Variants in NAV2 observed in about 807,000 individuals in gnomAD.
NAV2 encodes neuron navigator 2.
A neutral mutation model predicts 223.2 loss-of-function variants in NAV2; 54 were observed. That is an observed-to-expected ratio of 0.24 (90% CI 0.19 to 0.30). The LOEUF (loss-of-function observed/expected upper bound fraction) is 0.30. Among genes scored for constraint, NAV2 ranks in the 10% least tolerant of loss-of-function variants. The probability of loss-of-function intolerance (pLI) is 1.00; values close to 1 mark genes in which losing one functional copy is unlikely to be tolerated. For missense variants in NAV2, 2,806 were observed against 3,147.5 expected, an observed-to-expected ratio of 0.89 and a Z score of 2.60; for synonymous variants, 1,279 against 1,239.3, an observed-to-expected ratio of 1.03 and a Z score of -0.67.
At chr11:19,495,789 G>A (rs2042775205) in intron 1 of NAV2, among the ~76,000 whole-genome samples, 1 of 152,020 alleles carries the variant, frequency 6.6e-6, no homozygotes, top group Non-Finnish European at 1.5e-5. Flanking sequence ...AATAAAACTT[G>A]TAGAAAAAAA....
intron 11 of NAV2, among the ~76,000 whole-genome samples, chr11:19,996,105 A>G (rs2449498): frequency 0.99 from 151,227 of 152,326 alleles, 75,083 homozygotes; most frequent in East Asian, 1. Context: ...TAAGGAAAAT[A>G]AGGCTCAGAA....
chr11:19,397,922 T>A (rs1296136657), intron 1 of NAV2, among the ~76,000 whole-genome samples: 2 of 152,136 alleles, frequency 1.3e-5, no homozygotes, highest in Non-Finnish European at 2.9e-5. Context: ...GCAGCAGCAG[T>A]GCCTCTGTGT....
At chr11:19,798,071 A>G (rs1431274266) in intron 1 of NAV2, among the ~76,000 whole-genome samples, 3 of 152,160 alleles carry the variant, frequency 2.0e-5, no homozygotes, top group Non-Finnish European at 2.9e-5. Context: ...AGGCCTCAGC[A>G]TAGACAGACA....
intron 8 of NAV2, among the ~76,000 whole-genome samples, chr11:19,940,432 A>G (rs1167998018): frequency 6.6e-6 from 1 of 152,162 alleles, no homozygotes; most frequent in Admixed American, 6.5e-5. Context: ...CTTAATTAGA[A>G]TTCTTACTAC....
chr11:20,022,757 T>A (rs2054619541), intron 11 of NAV2: 4 of 1,113,520 alleles, frequency 3.6e-6, no homozygotes, highest in Non-Finnish European at 4.4e-6. Context: ...CAAACTCCCC[T>A]GGGACCACAT....
At chr11:19,496,406 A>C (rs1446965391) in intron 1 of NAV2, among the ~76,000 whole-genome samples, 1 of 152,200 alleles carries the variant, frequency 6.6e-6, no homozygotes, top group African/African-American at 2.4e-5. Context: ...TGGAGGCTTG[A>C]CTGGGGCTGG....
At chr11:19,660,230 T>A (rs897541058) in intron 1 of NAV2, among the ~76,000 whole-genome samples, 1 of 152,174 alleles carries the variant, frequency 6.6e-6, no homozygotes, top group African/African-American at 2.4e-5. Context: ...GAAACAGGCT[T>A]GCTTTATGCC....
At chr11:19,347,478 G>C (rs1339223641), upstream of NAV2, among the ~76,000 whole-genome samples, 3 of 152,196 alleles carry the variant, frequency 2.0e-5, no homozygotes, top group Non-Finnish European at 2.9e-5. Flanking sequence ...ATGTGGAATG[G>C]GAGTTTGAAG....
chr11:20,107,438 A>G (rs2062235121), intron 35 of NAV2: 2 of 566,620 alleles, frequency 3.5e-6, no homozygotes. Flanking sequence ...TCTTCCCCAT[A>G]AAGCCTTTCC....
chr11:19,594,547 G>A (rs2046153168), intron 1 of NAV2, among the ~76,000 whole-genome samples: 1 of 151,998 alleles, frequency 6.6e-6, no homozygotes, highest in African/African-American at 2.4e-5. Flanking sequence ...CAGGATATGA[G>A]TTGTCGGTCC....
intron 1 of NAV2, among the ~76,000 whole-genome samples, chr11:19,432,949 A>T (rs1158714374): frequency 6.6e-6 from 1 of 152,208 alleles, no homozygotes; most frequent in African/African-American, 2.4e-5. Flanking sequence ...AGTGTCCTGA[A>T]GGCACTGATG....
At chr11:19,971,668 C>G (rs2049260018) in intron 10 of NAV2, among the ~76,000 whole-genome samples, 1 of 152,184 alleles carries the variant, frequency 6.6e-6, no homozygotes, top group African/African-American at 2.4e-5. Context: ...AAGACAATGA[C>G]TGATTTCCAT....
rs574452374 is a variant in NAV2, at chr11:19,686,926, T to C, written c.76-145558T>C. ...ACAGGTAATTCCCACAGTAACCATA[T>C]GAGGCGGGCACTATTATTAGCCCCA... On this transcript the variant is annotated intron_variant, in intron 1 of 37. Coordinates refer to the NAV2 transcript ENST00000360655. Among the ~76,000 whole-genome samples the C allele has an allele frequency of 1.0e-3, 158 of 152,342 alleles. 1 individual carries two copies. Among genetic ancestry groups the C allele is most frequent in the Non-Finnish European group, 2.1e-3 (146 of 68,030 alleles).
chr11:19,867,476 A>G (rs755193975), intron 3 of NAV2, among the ~76,000 whole-genome samples: 1 of 152,370 alleles, frequency 6.6e-6, no homozygotes, highest in Non-Finnish European at 1.5e-5. Flanking sequence ...TGGACAGAGG[A>G]CAGGAAAGAT....
intron 1 of NAV2, among the ~76,000 whole-genome samples, chr11:19,696,136 G>A (rs985325879): frequency 4.6e-5 from 7 of 151,026 alleles, no homozygotes; most frequent in Non-Finnish European, 8.8e-5. Context: ...TGGTTTTTTC[G>A]GCAGCCTACT....
At chr11:19,384,737 A>C (rs1848969594) in intron 1 of NAV2, 1 of 152,198 alleles carries the variant, frequency 6.6e-6, no homozygotes, top group Non-Finnish European at 1.5e-5. Context: ...GAAAACTGGA[A>C]ACTCGCAGCC....
chr11:19,826,777 A>G (rs1164044563), intron 1 of NAV2, among the ~76,000 whole-genome samples: 9 of 152,238 alleles, frequency 5.9e-5, no homozygotes, highest in Non-Finnish European at 1.3e-4. Context: ...TTTTTAATCA[A>G]TAAAGAGATT....
At chr11:20,032,027 C>G (rs533804930) in intron 11 of NAV2, among the ~76,000 whole-genome samples, 63 of 152,132 alleles carry the variant, frequency 4.1e-4, no homozygotes, top group Non-Finnish European at 7.8e-4. Context: ...ATCATTTGTA[C>G]CCTGAATGGG....
In NAV2 at chr11:20,095,992, G is replaced by T. The variant is rs189202735; in HGVS notation, c.6012+225G>T. Among the ~76,000 whole-genome samples, 6 of 152,346 alleles carry T rather than the reference G, an allele frequency of 3.9e-5. No homozygotes were observed. The East Asian group carries it at 1.2e-3, about 29-fold the overall frequency. ...AAATTCTTGCCGTCTGCCCTTTGCA[G>T]TGGTGGGCCAGCTAGTGAGTGTGAT... On this transcript the variant is annotated intron_variant, in intron 30 of 37. Transcript: ENST00000349880.
Sources: gnomAD v4.1 joint callset for allele counts (sites outside exome capture counted in the v4.1 genomes callset) on GRCh38, gnomAD v4.1.1 for gene constraint, MANE v1.5 for transcripts, NCBI Gene and HGNC (gene_info 2026-07-23, HGNC 2026-07-21) for gene names.